Variants in ATXN1 observed in about 807,000 individuals in gnomAD.
ATXN1 encodes ataxin 1.
ATXN1 carries 8 observed loss-of-function variants against 56.4 expected under a neutral mutation model. That is an observed-to-expected ratio of 0.14 (90% CI 0.08 to 0.26). The LOEUF (loss-of-function observed/expected upper bound fraction) is 0.26. Among genes scored for constraint, ATXN1 ranks in the 10% least tolerant of loss-of-function variants. The probability of loss-of-function intolerance (pLI) is 1.00; values close to 1 mark genes in which losing one functional copy is unlikely to be tolerated. For missense variants in ATXN1, 987 were observed against 1,106.5 expected (o/e 0.89, Z 1.53); for synonymous variants, 514 against 494.6 (o/e 1.04, Z -0.52).
intron 3 of ATXN1, among the ~76,000 whole-genome samples, chr6:16,639,743 T>G (rs571636659): frequency 5.2e-5 from 8 of 152,392 alleles, no homozygotes; most frequent in African/African-American, 1.7e-4. Flanking sequence ...ACTCACTACT[T>G]TTAATTGTGG....
intron 6 of ATXN1, among the ~76,000 whole-genome samples, chr6:16,443,612 T>C (rs917222932): frequency 6.6e-5 from 10 of 152,200 alleles, no homozygotes; most frequent in African/African-American, 2.4e-4. Context: ...ACATTTTCAG[T>C]AAGCATATTG....
chr6:16,669,979 AC>A (rs1354310057), intron 2 of ATXN1, among the ~76,000 whole-genome samples: 2 of 151,734 alleles, frequency 1.3e-5, no homozygotes, highest in Non-Finnish European at 2.9e-5. Flanking sequence ...CCACCCCATG[AC>A]CCCCAACCAA....
intron 4 of ATXN1, among the ~76,000 whole-genome samples, chr6:16,536,550 C>T (rs1561744408): frequency 6.6e-6 from 1 of 152,034 alleles, no homozygotes; most frequent in African/African-American, 2.4e-5. Context: ...GAAGAGTTTC[C>T]CAGGAAAGAT....
intron 3 of ATXN1, among the ~76,000 whole-genome samples, chr6:16,620,165 T>C (rs957783573): frequency 2.6e-5 from 4 of 152,068 alleles, no homozygotes; most frequent in African/African-American, 7.2e-5. Context: ...CTTGATCTTA[T>C]TTCTATGCTA....
chr6:16,629,840 C>A (rs1763473374), intron 3 of ATXN1, among the ~76,000 whole-genome samples: 2 of 151,520 alleles, frequency 1.3e-5, no homozygotes, highest in Non-Finnish European at 2.9e-5. Context: ...TCGCTTGAAC[C>A]CAGGAGGCAG....
At chr6:16,507,118 T>C (rs894872958) in intron 5 of ATXN1, among the ~76,000 whole-genome samples, 2 of 152,264 alleles carry the variant, frequency 1.3e-5, no homozygotes, top group Non-Finnish European at 2.9e-5. Flanking sequence ...TACTGCATCA[T>C]ATCTGTGAGA....
In ATXN1 at chr6:16,675,130, G is replaced by A. The variant is rs779749486; in HGVS notation, c.-614-17229C>T. On this transcript the variant is annotated intron_variant, in intron 2 of 7. Transcript: ENST00000436367. ...GAAGTCTAGGGGGAGGTGGGTGTCT[G>A]TGTTGTAGATTGGTGACTTTATAGA... Among the ~76,000 whole-genome samples, 246 of 152,312 alleles carry A rather than the reference G, an allele frequency of 1.6e-3. 1 individual carries two copies. The highest frequency in any genetic ancestry group is 1.6e-3 in the Non-Finnish European group (111 of 68,020).
chr6:16,630,571 A>G (rs1313485508), intron 3 of ATXN1, among the ~76,000 whole-genome samples: 1 of 152,206 alleles, frequency 6.6e-6, no homozygotes, highest in African/African-American at 2.4e-5. Flanking sequence ...CCTGCAAGTC[A>G]TCATCTGCTC....
At chr6:16,325,262 C>G (rs762872428) in intron 7 of ATXN1, among the ~76,000 whole-genome samples, 2 of 152,018 alleles carry the variant, frequency 1.3e-5, no homozygotes, top group African/African-American at 4.8e-5. Context: ...GGATTACAGG[C>G]ACACACCACC....
intron 6 of ATXN1, among the ~76,000 whole-genome samples, chr6:16,409,168 C>T (rs1032165155): frequency 6.6e-6 from 1 of 152,006 alleles, no homozygotes; most frequent in Non-Finnish European, 1.5e-5. Flanking sequence ...CTCGGACTTG[C>T]TTTGACATTT....
chr6:16,683,912 T>TCA (rs1758864982), intron 2 of ATXN1, among the ~76,000 whole-genome samples: 1 of 152,224 alleles, frequency 6.6e-6, no homozygotes, highest in South Asian at 2.1e-4. Flanking sequence ...CAAGGAGCTG[T>TCA]CAGTGCCTCC....
At chr6:16,550,383 C>G (rs1409149952) in intron 4 of ATXN1, among the ~76,000 whole-genome samples, 1 of 152,142 alleles carries the variant, frequency 6.6e-6, no homozygotes, top group East Asian at 1.9e-4. Flanking sequence ...CACACTTGTT[C>G]CTTCTTCTTT....
chr6:16,671,309 CT>C (rs1004376884), intron 2 of ATXN1, among the ~76,000 whole-genome samples: 182 of 29,650 alleles, frequency 6.1e-3, no homozygotes, highest in Admixed American at 0.015. Flanking sequence ...TCTTTTCTTT[CT>C]TTTTTTTTTT....
intron 6 of ATXN1, among the ~76,000 whole-genome samples, chr6:16,449,289 T>C (rs767295517): frequency 9.9e-5 from 15 of 152,206 alleles, no homozygotes; most frequent in Non-Finnish European, 2.1e-4. Context: ...CAGTGAATTT[T>C]GGTATGTAAT....
At chr6:16,513,714 G>A (rs923703062) in intron 5 of ATXN1, among the ~76,000 whole-genome samples, 2 of 152,134 alleles carry the variant, frequency 1.3e-5, no homozygotes, top group Non-Finnish European at 2.9e-5. Flanking sequence ...ACTTCATCAA[G>A]AGCAGCAACT....
chr6:16,713,268 C>T (rs1001769016), intron 2 of ATXN1, among the ~76,000 whole-genome samples: 1 of 152,180 alleles, frequency 6.6e-6, no homozygotes, highest in Admixed American at 6.5e-5. Flanking sequence ...TAATCAGCAC[C>T]GCTTCCTCTA....
At chr6:16,571,412 C>A (rs921711734) in intron 4 of ATXN1, among the ~76,000 whole-genome samples, 2 of 152,188 alleles carry the variant, frequency 1.3e-5, no homozygotes, top group African/African-American at 4.8e-5. Context: ...TAAAGGGAAT[C>A]TAGAGGCTAC....
chr6:16,541,166 C>T (rs557886284), intron 4 of ATXN1, among the ~76,000 whole-genome samples: 1 of 152,308 alleles, frequency 6.6e-6, no homozygotes, highest in East Asian at 1.9e-4. Flanking sequence ...AGCCCACAGC[C>T]TCAAAGTTTA....
intron 4 of ATXN1, among the ~76,000 whole-genome samples, chr6:16,569,925 A>G (rs1475235048): frequency 6.6e-6 from 1 of 152,156 alleles, no homozygotes; most frequent in African/African-American, 2.4e-5. Flanking sequence ...GTCTCCCAAC[A>G]CTGAGGGAAT....
Sources: allele counts gnomAD v4.1 joint callset (sites outside exome capture counted in the v4.1 genomes callset), GRCh38; gene constraint gnomAD v4.1.1; transcripts MANE v1.5; gene names NCBI Gene and HGNC (gene_info 2026-07-23, HGNC 2026-07-21).